Variants in TSHZ2 observed in about 807,000 individuals in gnomAD.
The protein encoded by TSHZ2 is teashirt zinc finger homeobox 2, also known as teashirt homolog 2.
A neutral mutation model predicts 74.4 loss-of-function variants in TSHZ2; 21 were observed. That is an observed-to-expected ratio of 0.28 (90% CI 0.20 to 0.41). The LOEUF (loss-of-function observed/expected upper bound fraction) is 0.41. Ranked by LOEUF, TSHZ2 falls within the 10% of genes least tolerant of loss-of-function variation. The pLI, the probability that TSHZ2 is intolerant of heterozygous loss-of-function variation, is 1.00. For synonymous variants in TSHZ2, 540 were observed against 515.3 expected (o/e 1.05, Z -0.65); for missense variants, 1,244 against 1,293.5 (o/e 0.96, Z 0.59).
At chr20:53,460,023 C>T (rs922430145) in intron 2 of TSHZ2, among the ~76,000 whole-genome samples, 1 of 152,054 alleles carries the variant, frequency 6.6e-6, no homozygotes, top group African/African-American at 2.4e-5. Context: ...GTGAATCTGA[C>T]AATTATGTGT....
At chr20:53,318,068 G>C (rs1380809781) in intron 2 of TSHZ2, among the ~76,000 whole-genome samples, 1 of 152,208 alleles carries the variant, frequency 6.6e-6, no homozygotes, top group Non-Finnish European at 1.5e-5. Context: ...CAAATGACTA[G>C]ATGAACAGGT....
At chr20:53,135,646 AGTACAGTACAGTGGT>A (rs1172374284) in intron 1 of TSHZ2, among the ~76,000 whole-genome samples, 1 of 152,076 alleles carries the variant, frequency 6.6e-6, no homozygotes, top group Non-Finnish European at 1.5e-5. Context: ...CCCAGGCTGG[AGTACAGTACAGTGGT>A]GCAACCATAG....
Position 53,217,434 on chromosome 20 carries a change from G to A in TSHZ2, c.41-36065G>A, listed in dbSNP as rs568467059. Among the ~76,000 whole-genome samples the A allele has an allele frequency of 2.0e-5, 3 of 152,148 alleles. No individual in the cohort carries two copies. In the East Asian group the frequency reaches 5.8e-4, roughly 29 times the overall value. ...GAATATGTGGCTCACAAGCAGAAAG[G>A]GATAACAGATGGAAGAACAACAATA... On this transcript the variant is annotated intron_variant, in intron 1 of 2. Transcript: ENST00000371497.
At chr20:53,291,022 G>A (rs963506897) in intron 2 of TSHZ2, among the ~76,000 whole-genome samples, 5 of 152,282 alleles carry the variant, frequency 3.3e-5, no homozygotes, top group South Asian at 2.1e-4. Context: ...AAAATTTGCC[G>A]ACCCATGGCC....
intron 1 of TSHZ2, among the ~76,000 whole-genome samples, chr20:53,127,165 TATTC>T (rs781622045): frequency 3.0e-4 from 46 of 152,338 alleles, no homozygotes; most frequent in Middle Eastern, 3.4e-3. Flanking sequence ...CATGAAGATG[TATTC>T]ATTCATTTGT....
intron 1 of TSHZ2, among the ~76,000 whole-genome samples, chr20:53,090,334 A>G (rs1212013090): frequency 1.3e-5 from 2 of 152,190 alleles, no homozygotes; most frequent in Non-Finnish European, 2.9e-5. Flanking sequence ...CACCCCCAGA[A>G]ACAATACTTG....
chr20:52,994,573 T>A (rs934814773), intron 1 of TSHZ2, among the ~76,000 whole-genome samples: 3 of 152,198 alleles, frequency 2.0e-5, no homozygotes, highest in African/African-American at 7.2e-5. Flanking sequence ...GCCCGGATTT[T>A]ATCACAGGTG....
intron 1 of TSHZ2, among the ~76,000 whole-genome samples, chr20:52,988,614 C>T (rs2122906723): frequency 6.6e-6 from 1 of 152,152 alleles, no homozygotes; most frequent in South Asian, 2.1e-4. Flanking sequence ...AAGATCATCC[C>T]TACTTATTTA....
chr20:53,441,565 C>T (rs1036303640), intron 2 of TSHZ2, among the ~76,000 whole-genome samples: 2 of 151,430 alleles, frequency 1.3e-5, no homozygotes, highest in Non-Finnish European at 2.9e-5. Flanking sequence ...GTATTACAAG[C>T]GTGAGCCACC....
intron 1 of TSHZ2, among the ~76,000 whole-genome samples, chr20:53,164,076 G>T: frequency 6.6e-6 from 1 of 150,974 alleles, no homozygotes; most frequent in Non-Finnish European, 1.5e-5. Flanking sequence ...CATTTACTTT[G>T]TTCTGTTTTT....
intron 2 of TSHZ2, among the ~76,000 whole-genome samples, chr20:53,281,421 GT>G (rs1455292708): frequency 6.6e-6 from 1 of 152,214 alleles, no homozygotes; most frequent in Non-Finnish European, 1.5e-5. Flanking sequence ...GATAGTAAAT[GT>G]CTGAGGCTTT....
At chr20:52,973,499 A>T (rs554200037) in intron 1 of TSHZ2, among the ~76,000 whole-genome samples, 166 bp downstream of exon 1, 413 of 152,006 alleles carry the variant, frequency 2.7e-3, no homozygotes, top group African/African-American at 9.7e-3. Context: ...TGGTCTCCCA[A>T]ATCCTCCCCT....
rs1986419824 is a variant in TSHZ2, at chr20:53,490,586, C to A, written c.*3451C>A. 6.6e-6 allele frequency: 1 copy of A among 152,166 alleles called. No individual in the cohort carries two copies. The highest frequency in any genetic ancestry group is 2.4e-5 in the African/African-American group (1 of 41,430). The allele number at this position is 152,166 out of a possible 1,614,324, so 9.4% of individuals were successfully genotyped here. A position where few individuals can be genotyped will look rare whatever the true frequency, so the allele number is the denominator to read the frequency against. ...TAATCACGGAATAAACTGGATAACC[C>A]AGACAGTCCCCACAGAATTTCTTTC... On this transcript the variant is annotated 3_prime_UTR_variant, in exon 3 of 3. Transcript: ENST00000371497.
chr20:53,223,165 G>T (rs375874523), intron 1 of TSHZ2, among the ~76,000 whole-genome samples: 2 of 151,494 alleles, frequency 1.3e-5, no homozygotes, highest in Admixed American at 6.6e-5. Flanking sequence ...AAGCATCTTT[G>T]TGGCTATATT....
chr20:53,339,915 C>A (rs1402442240), intron 2 of TSHZ2, among the ~76,000 whole-genome samples: 3 of 152,346 alleles, frequency 2.0e-5, no homozygotes, highest in African/African-American at 7.2e-5. Context: ...AGCCCACCTG[C>A]AGCTCTCATC....
intron 2 of TSHZ2, among the ~76,000 whole-genome samples, chr20:53,325,898 C>T (rs1979473950): frequency 6.6e-6 from 1 of 152,190 alleles, no homozygotes; most frequent in Non-Finnish European, 1.5e-5. Flanking sequence ...TCTCCTGCCC[C>T]AGCCTCCCAA....
chr20:53,366,615 G>GA (rs1465482621), intron 2 of TSHZ2, among the ~76,000 whole-genome samples: 2 of 152,128 alleles, frequency 1.3e-5, no homozygotes, highest in Non-Finnish European at 2.9e-5. Flanking sequence ...CCCTTGTAAG[G>GA]CTGCTGTAGA....
intron 1 of TSHZ2, among the ~76,000 whole-genome samples, chr20:53,065,244 T>C (rs1380707191): frequency 6.6e-6 from 1 of 152,226 alleles, no homozygotes; most frequent in African/African-American, 2.4e-5. Flanking sequence ...GTAACTATTT[T>C]ATTATTATTA....
chr20:53,296,120 C>T (rs1335235579), intron 2 of TSHZ2, among the ~76,000 whole-genome samples: 1 of 149,508 alleles, frequency 6.7e-6, no homozygotes, highest in African/African-American at 2.5e-5. Context: ...GTTCTGTTAT[C>T]TATCCGTCCC....
Sources: gnomAD v4.1 joint callset for allele counts (sites outside exome capture counted in the v4.1 genomes callset) on GRCh38, gnomAD v4.1.1 for gene constraint, MANE v1.5 for transcripts, NCBI Gene and HGNC (gene_info 2026-07-23, HGNC 2026-07-21) for gene names.